The following ATG10 variants were observed in gnomAD, a reference collection of about 807,000 sequenced individuals.
ATG10 encodes autophagy related 10, also known as ubiquitin-like-conjugating enzyme ATG10.
ATG10 carries 30 observed loss-of-function variants against 32.1 expected under a neutral mutation model. That is an observed-to-expected ratio of 0.94 (90% CI 0.70 to 1.27). The LOEUF (loss-of-function observed/expected upper bound fraction) is 1.27, where lower values mean the gene tolerates loss of function less well. Among genes scored for constraint, ATG10 ranks in the 50% most tolerant of loss-of-function variants. The pLI is 0.00. For synonymous variants in ATG10, 87 were observed against 91.5 expected (o/e 0.95, Z 0.28); for missense variants, 233 against 262.3 (o/e 0.89, Z 0.77).
chr5:82,042,831 G>A (rs1391257396), intron 2 of ATG10, among the ~76,000 whole-genome samples: 2 of 152,118 alleles, frequency 1.3e-5, no homozygotes, highest in Non-Finnish European at 2.9e-5. Flanking sequence ...CCATGGGTTT[G>A]GGCAGCTCCG....
At chr5:82,042,428 A>G (rs1763112880) in intron 2 of ATG10, among the ~76,000 whole-genome samples, 3 of 152,154 alleles carry the variant, frequency 2.0e-5, no homozygotes, top group Non-Finnish European at 1.5e-5. Context: ...ATACAAATCT[A>G]AACCGTATCA....
intron 5 of ATG10, among the ~76,000 whole-genome samples, chr5:82,198,801 T>C (rs927969869): frequency 4.6e-5 from 7 of 152,200 alleles, no homozygotes; most frequent in Admixed American, 6.5e-5. Context: ...ACTTTTCACA[T>C]TGACTCTTCT....
At chr5:82,086,380 C>G (rs1332206961) in intron 3 of ATG10, among the ~76,000 whole-genome samples, 1 of 151,898 alleles carries the variant, frequency 6.6e-6, no homozygotes, top group Non-Finnish European at 1.5e-5. Context: ...ACCATGAAAA[C>G]AATAACAATA....
At chr5:82,110,728 A>C (rs888429289) in intron 3 of ATG10, among the ~76,000 whole-genome samples, 1 of 152,046 alleles carries the variant, frequency 6.6e-6, no homozygotes, top group Admixed American at 6.6e-5. Context: ...TGATTGCAAA[A>C]ATTTTCTCCC....
chr5:82,029,133 T>G (rs2149713648), intron 2 of ATG10, among the ~76,000 whole-genome samples: 1 of 152,332 alleles, frequency 6.6e-6, no homozygotes, highest in South Asian at 2.1e-4. Context: ...ATCTATTTGA[T>G]TTACTGAATG....
intron 3 of ATG10, among the ~76,000 whole-genome samples, chr5:82,079,918 C>T (rs1443837547): frequency 6.6e-6 from 1 of 152,168 alleles, no homozygotes; most frequent in Non-Finnish European, 1.5e-5. Context: ...ATTTCTAGTT[C>T]TAGATCCTTG....
At chr5:82,084,483 G>A (rs189626882) in intron 3 of ATG10, among the ~76,000 whole-genome samples, 84 of 152,188 alleles carry the variant, frequency 5.5e-4, no homozygotes, top group Middle Eastern at 3.4e-3. Flanking sequence ...TACAAAGAAC[G>A]CCACAAAGAT....
intron 3 of ATG10, among the ~76,000 whole-genome samples, chr5:82,150,380 A>C (rs1767544195): frequency 6.6e-6 from 1 of 152,196 alleles, no homozygotes; most frequent in Non-Finnish European, 1.5e-5. Context: ...CACTTTAATA[A>C]AATTAGCATT....
intron 4 of ATG10, among the ~76,000 whole-genome samples, chr5:82,172,832 A>G (rs1048043015): frequency 2.0e-5 from 3 of 152,228 alleles, no homozygotes; most frequent in South Asian, 2.1e-4. Context: ...TGCTTATAGG[A>G]ATAAATAAAA....
rs1581854645 is a variant in ATG10, at chr5:82,254,561, G to C, written c.*498G>C. 1 of 120,780 alleles carries C rather than the reference G, an allele frequency of 8.3e-6. No individual in the cohort carries two copies. The highest frequency in any genetic ancestry group is 1.7e-5 in the Non-Finnish European group (1 of 59,336). 7.5% of individuals were successfully genotyped at this position (120,780 alleles called of 1,614,324 possible). On this transcript the variant is annotated 3_prime_UTR_variant, in exon 8 of 8. Coordinates refer to ENST00000282185, the MANE Select transcript of ATG10 (RefSeq NM_031482.5). ...GTGACAGAGCCAGACACTGTCTCGGGGAAAAAAAAAAAAAAAAAAAGACAC... is the reference window on the plus strand; with the variant it reads ...GTGACAGAGCCAGACACTGTCTCGGCGAAAAAAAAAAAAAAAAAAAGACAC...
intron 2 of ATG10, among the ~76,000 whole-genome samples, chr5:82,045,773 C>T (rs1414001372): frequency 6.6e-6 from 1 of 151,960 alleles, no homozygotes; most frequent in Non-Finnish European, 1.5e-5. Flanking sequence ...TCTATCCTCC[C>T]TCTTTCCTTC....
chr5:82,079,940 C>T (rs1466920313), intron 3 of ATG10, among the ~76,000 whole-genome samples: 1 of 152,226 alleles, frequency 6.6e-6, no homozygotes, highest in Non-Finnish European at 1.5e-5. Flanking sequence ...GGAATCGCCA[C>T]ACTGTCTTCC....
In ATG10 at chr5:82,015,877, C is replaced by T. The variant is rs543234741; in HGVS notation, c.108+28199C>T. Among the ~76,000 whole-genome samples the T allele has an allele frequency of 1.3e-3, 203 of 152,328 alleles. 1 individual carries two copies. The highest frequency in any genetic ancestry group is 5.9e-3 in the Admixed American group (90 of 15,306). On this transcript the variant is annotated intron_variant, in intron 2 of 7. Transcript: ENST00000282185. ...TTGTTCCATTGCTGGTGAGGAGCTGCGTTCCTTTGGAGGAGAGGCACTCTG... is the reference window on the plus strand; with the variant it reads ...TTGTTCCATTGCTGGTGAGGAGCTGTGTTCCTTTGGAGGAGAGGCACTCTG...
chr5:82,224,483 A>T (rs1222831005), intron 5 of ATG10, among the ~76,000 whole-genome samples: 1 of 152,228 alleles, frequency 6.6e-6, no homozygotes, highest in East Asian at 1.9e-4. Context: ...AGTTAGAAAT[A>T]ATTTTGAGCA....
At chr5:82,027,893 C>T (rs1354067667) in intron 2 of ATG10, among the ~76,000 whole-genome samples, 3 of 152,146 alleles carry the variant, frequency 2.0e-5, no homozygotes, top group Non-Finnish European at 4.4e-5. Flanking sequence ...GCCAAGCAAA[C>T]TGCACTGGCA....
At chr5:82,049,328 C>T (rs1010961729) in intron 2 of ATG10, among the ~76,000 whole-genome samples, 2 of 143,352 alleles carry the variant, frequency 1.4e-5, no homozygotes, top group Non-Finnish European at 3.0e-5. Flanking sequence ...TATTCTCACT[C>T]ATAGGTGGGA....
intron 3 of ATG10, among the ~76,000 whole-genome samples, chr5:82,082,709 A>G (rs1028029596): frequency 6.6e-6 from 1 of 152,048 alleles, no homozygotes; most frequent in Non-Finnish European, 1.5e-5. Flanking sequence ...AAATTCATTC[A>G]CTTTCATGAA....
intron 1 of ATG10, among the ~76,000 whole-genome samples, chr5:81,982,711 C>T (rs1761090743): frequency 6.6e-6 from 1 of 152,124 alleles, no homozygotes; most frequent in Non-Finnish European, 1.5e-5. Flanking sequence ...GACCCTGCGG[C>T]CTTCCGCAGT....
intron 5 of ATG10, among the ~76,000 whole-genome samples, chr5:82,217,846 G>T (rs1745749035): frequency 6.6e-6 from 1 of 151,490 alleles, no homozygotes; most frequent in Admixed American, 6.6e-5. Context: ...GTGTGGTAGT[G>T]TGCACCTGTG....
Sources: gnomAD v4.1 joint callset for allele counts (sites outside exome capture counted in the v4.1 genomes callset) on GRCh38, gnomAD v4.1.1 for gene constraint, MANE v1.5 for transcripts, NCBI Gene and HGNC (gene_info 2026-07-23, HGNC 2026-07-21) for gene names.